Variants in OR1J2 observed in about 807,000 individuals in gnomAD.
The protein encoded by OR1J2 is olfactory receptor 1J2.
For synonymous variants in OR1J2, 142 were observed against 99.7 expected (o/e 1.42, Z -2.52); for missense variants, 304 against 246.1 (o/e 1.24, Z -1.57).
chr9:122,495,844 G>C, the OR1J2 span, among the ~76,000 whole-genome samples: 1 of 152,046 alleles, frequency 6.6e-6, no homozygotes, highest in Admixed American at 6.5e-5. Context: ...GGGATTCAAG[G>C]GCTGCTGTTC....
chr9:122,510,972 C>A lies in OR1J2; in HGVS notation c.171C>A (p.Thr57=), dbSNP rs765101019. 2.5e-6 allele frequency: 4 copies of A among 1,612,158 alleles called. No homozygotes were observed. Among genetic ancestry groups the A allele is most frequent in the Non-Finnish European group, 3.4e-6 (4 of 1,178,250 alleles). Residue 57 remains threonine, a synonymous_variant, in exon 1 of 1, where the codon ACC becomes ACA. Coordinates refer to ENST00000335302, the MANE Select transcript of OR1J2 (RefSeq NM_054107.1). The part of the protein sequence containing the change: ...LLIQLDSHLH[T]PMYFFLSHLA... ...TCCAGCTGGACTCTCACCTTCACAC[C>A]CCCATGTACTTCTTCCTCAGCCACT...
At chr9:122,570,427 T>C in the OR1J2 span, among the ~76,000 whole-genome samples, 1 of 152,256 alleles carries the variant, frequency 6.6e-6, no homozygotes, top group African/African-American at 2.4e-5. Flanking sequence ...TTTTTAAATG[T>C]TGGCTATTTA....
At chr9:122,539,303 C>G in the OR1J2 span, among the ~76,000 whole-genome samples, 218 of 152,078 alleles carry the variant, frequency 1.4e-3, 1 homozygote, top group African/African-American at 5.1e-3. Context: ...TGTGATGTTC[C>G]CCTTCCTGTG....
the OR1J2 span, among the ~76,000 whole-genome samples, chr9:122,466,168 A>C: frequency 6.6e-6 from 1 of 152,172 alleles, no homozygotes; most frequent in South Asian, 2.1e-4. Context: ...GGCTTTAGGC[A>C]AGAATACCCC....
chr9:122,553,829 C>T, the OR1J2 span: 3 of 1,613,878 alleles, frequency 1.9e-6, no homozygotes, highest in Admixed American at 1.7e-5. Context: ...TCACCATGGG[C>T]TTGCTGTTCC....
chr9:122,450,711 A>C, the OR1J2 span, among the ~76,000 whole-genome samples: 1 of 152,158 alleles, frequency 6.6e-6, no homozygotes, highest in Non-Finnish European at 1.5e-5. Context: ...GTTGAACGGA[A>C]ACTATGTACC....
At chr9:122,515,507 C>T (rs11790154), downstream of OR1J2, among the ~76,000 whole-genome samples, 29,411 of 151,194 alleles carry the variant, frequency 0.19, 3,332 homozygotes, top group African/African-American at 0.31. Context: ...TTTAACCCCA[C>T]GTTGTGGGGA....
the OR1J2 span, among the ~76,000 whole-genome samples, chr9:122,565,496 T>G: frequency 6.6e-6 from 1 of 152,306 alleles, no homozygotes; most frequent in Non-Finnish European, 1.5e-5. Flanking sequence ...GTACTCCCAC[T>G]AACCAGGGCT....
chr9:122,466,565 A>G, the OR1J2 span, among the ~76,000 whole-genome samples: 2 of 152,186 alleles, frequency 1.3e-5, no homozygotes, highest in African/African-American at 4.8e-5. Context: ...AACCACTAAC[A>G]TTCGTAATGT....
upstream of OR1J2, among the ~76,000 whole-genome samples, chr9:122,508,601 C>T (rs928493953): frequency 6.6e-6 from 1 of 152,112 alleles, no homozygotes; most frequent in Non-Finnish European, 1.5e-5. Context: ...TATTTCCCTG[C>T]TGGTTAGGTA....
chr9:122,549,496 T>A, the OR1J2 span, among the ~76,000 whole-genome samples: 31 of 152,354 alleles, frequency 2.0e-4, no homozygotes, highest in Middle Eastern at 3.4e-3. Flanking sequence ...TAGTTTCAGG[T>A]CTTACAGTTA....
chr9:122,520,161 G>A, the OR1J2 span: 2 of 1,028,640 alleles, frequency 1.9e-6, no homozygotes, highest in South Asian at 3.3e-5. Flanking sequence ...CCCAGCAAGG[G>A]ATAAGTGCTC....
At chr9:122,515,945 TG>T (rs1438691672), downstream of OR1J2, among the ~76,000 whole-genome samples, 1 of 152,204 alleles carries the variant, frequency 6.6e-6, no homozygotes, top group Non-Finnish European at 1.5e-5. Flanking sequence ...ACACTGAGTT[TG>T]TTCCCTAGAG....
the OR1J2 span, among the ~76,000 whole-genome samples, chr9:122,566,431 A>G: frequency 4.6e-4 from 70 of 152,106 alleles, no homozygotes; most frequent in African/African-American, 1.5e-3. Context: ...ACATATGTAC[A>G]TTCATATTTA....
the OR1J2 span, among the ~76,000 whole-genome samples, chr9:122,562,413 C>T: frequency 0.29 from 43,662 of 152,144 alleles, 6,455 homozygotes; most frequent in Middle Eastern, 0.34. Context: ...TGAGAATCTG[C>T]GTAGCTCTGT....
At chr9:122,531,849 CCA>C in the OR1J2 span, among the ~76,000 whole-genome samples, 6 of 152,300 alleles carry the variant, frequency 3.9e-5, no homozygotes, top group South Asian at 4.1e-4. Context: ...GAAGAAATGA[CCA>C]TGGTGGCCTT....
the OR1J2 span, among the ~76,000 whole-genome samples, chr9:122,450,150 C>T: frequency 6.6e-6 from 1 of 152,126 alleles, no homozygotes; most frequent in Non-Finnish European, 1.5e-5. Context: ...TAATTCTTGG[C>T]CGTGCATGGT....
the OR1J2 span, chr9:122,519,346 C>T: frequency 6.2e-7 from 1 of 1,614,174 alleles, no homozygotes; most frequent in Admixed American, 1.7e-5. Context: ...TTGGCTCTCA[C>T]TGACATCTCC....
At chr9:122,477,838 A>G in the OR1J2 span, 1 of 1,614,044 alleles carries the variant, frequency 6.2e-7, no homozygotes, top group Non-Finnish European at 8.5e-7. Flanking sequence ...GCCCAGGAAC[A>G]GGGCGAAGAA....
Sources: allele counts gnomAD v4.1 joint callset (sites outside exome capture counted in the v4.1 genomes callset), GRCh38; gene constraint gnomAD v4.1.1; transcripts MANE v1.5; gene names NCBI Gene and HGNC (gene_info 2026-07-23, HGNC 2026-07-21).